ADAM18: variants seen among roughly 807,000 people sequenced by gnomAD.
ADAM18 encodes the protein ADAM metallopeptidase domain 18.
In ADAM18, 117 loss-of-function variants were observed where a neutral mutation model predicts 94.4. The ratio of observed to expected loss-of-function variants is 1.24; its 90% CI spans 1.07 to 1.45. ADAM18 has a LOEUF of 1.45. Ranked by LOEUF, ADAM18 falls within the 40% of genes most tolerant of loss-of-function variation. The probability of loss-of-function intolerance (pLI) is 0.00; values close to 1 mark genes in which losing one functional copy is unlikely to be tolerated. For synonymous variants in ADAM18, 327 were observed against 291.6 expected, an observed-to-expected ratio of 1.12 and a Z score of -1.24; for missense variants, 936 against 880.0, an observed-to-expected ratio of 1.06 and a Z score of -0.81.
At chr8:39,587,620 T>C (rs562385389) in intron 2 of ADAM18, among the ~76,000 whole-genome samples, 108 of 152,118 alleles carry the variant, frequency 7.1e-4, no homozygotes, top group Non-Finnish European at 1.2e-3. Context: ...AATTTTGTAT[T>C]TTTTTAGTAG....
chr8:39,606,003 A>C (rs945828251), intron 2 of ADAM18, among the ~76,000 whole-genome samples: 1 of 152,170 alleles, frequency 6.6e-6, no homozygotes, highest in Non-Finnish European at 1.5e-5. Flanking sequence ...ATGGTCTCCA[A>C]ACTCACCCAG....
rs1244021731 is a variant in ADAM18, at chr8:39,661,158, T to C, written c.1231-2637T>C. On this transcript the variant is annotated intron_variant, in intron 12 of 19. Coordinates refer to ENST00000265707, the MANE Select transcript of ADAM18 (RefSeq NM_014237.3). Reference sequence around the variant, plus strand: ...AAACAACTGTTTCTTCTTCTTCTTTTTTTTTTTTTTTTTTGAGGGAGTCTC... The same window carrying C: ...AAACAACTGTTTCTTCTTCTTCTTTCTTTTTTTTTTTTTTGAGGGAGTCTC... Among the ~76,000 whole-genome samples the C allele has an allele frequency of 5.5e-3, 805 of 146,904 alleles. 7 individuals carry two copies. The highest frequency in any genetic ancestry group is 0.019 in the African/African-American group (765 of 39,920).
At chr8:39,678,308 T>G (rs1051622858) in intron 15 of ADAM18, among the ~76,000 whole-genome samples, 2 of 152,230 alleles carry the variant, frequency 1.3e-5, no homozygotes, top group Non-Finnish European at 2.9e-5. Flanking sequence ...ATACAGTTCC[T>G]TTATTAAGAT....
intron 17 of ADAM18, among the ~76,000 whole-genome samples, chr8:39,693,051 A>AT (rs934996943): frequency 4.0e-5 from 6 of 150,906 alleles, no homozygotes; most frequent in Non-Finnish European, 8.9e-5. Context: ...ATCAGGGAAT[A>AT]TTTTTTTCTC....
At chr8:39,688,257 G>A (rs1339565894) in intron 16 of ADAM18, among the ~76,000 whole-genome samples, 1 of 151,962 alleles carries the variant, frequency 6.6e-6, no homozygotes, top group South Asian at 2.1e-4. Flanking sequence ...TTTAAGTTCA[G>A]GGGTACATGT....
rs140616028 is a variant in ADAM18 at position 39,680,084 on chromosome 8, C to G, written c.1679C>G (p.Ala560Gly). Residue 560 changes from alanine to glycine, a missense_variant, in exon 16 of 20, where the codon GCT becomes GGT. Physicochemically the swap from Ala to Gly is moderately conservative, Grantham distance 60. Transcript: ENST00000265707. ...KLACVQPHKNANKSDAQSTVY... is the reference protein window; with the variant it reads ...KLACVQPHKNGNKSDAQSTVY... ...GCTTGTGTTCAGCCACATAAAAATG[C>G]TAATAAAAGTGACGCTCAATCTACA... 6.2e-7 allele frequency: 1 copy of G among 1,613,648 alleles called. No individual in the cohort carries two copies. The highest frequency in any genetic ancestry group is 8.5e-7 in the Non-Finnish European group (1 of 1,179,812).
chr8:39,667,571 AGATT>A (rs1821025065), intron 13 of ADAM18, among the ~76,000 whole-genome samples: 1 of 152,214 alleles, frequency 6.6e-6, no homozygotes, highest in Non-Finnish European at 1.5e-5. Flanking sequence ...TAAAACAGAT[AGATT>A]GTGTTTCTCA....
chr8:39,594,385 A>G (rs1818673463), intron 2 of ADAM18, among the ~76,000 whole-genome samples: 1 of 152,162 alleles, frequency 6.6e-6, no homozygotes, highest in Non-Finnish European at 1.5e-5. Context: ...AACTTTTGTA[A>G]TTACCCATAC....
At chr8:39,706,674 T>A (rs1321922511) in intron 17 of ADAM18, 116 bp from the exon 18 acceptor site, 1 of 536,500 alleles carries the variant, frequency 1.9e-6, no homozygotes, top group Non-Finnish European at 3.2e-6. Context: ...GTCATAATAA[T>A]CTTAAGAAAA....
At chr8:39,585,964 A>G (rs1818382602) in intron 2 of ADAM18, among the ~76,000 whole-genome samples, 1 of 152,216 alleles carries the variant, frequency 6.6e-6, no homozygotes, top group Admixed American at 6.5e-5. Flanking sequence ...TGAAATTGAC[A>G]GATTTAAAAT....
At chr8:39,696,446 A>C (rs943255091) in intron 17 of ADAM18, among the ~76,000 whole-genome samples, 6 of 151,508 alleles carry the variant, frequency 4.0e-5, no homozygotes, top group African/African-American at 1.5e-4. Context: ...GAAATCATCA[A>C]ATCTAATGTC....
intron 2 of ADAM18, 124 bp from the exon 3 acceptor site, chr8:39,606,183 A>G (rs575471350): frequency 2.2e-5 from 13 of 587,932 alleles, no homozygotes; most frequent in Middle Eastern, 4.7e-4. Context: ...ATTTAGAATA[A>G]TAAATTCTAA....
intron 2 of ADAM18, among the ~76,000 whole-genome samples, chr8:39,594,007 T>C (rs1818658431): frequency 6.6e-6 from 1 of 152,188 alleles, no homozygotes; most frequent in Non-Finnish European, 1.5e-5. Flanking sequence ...ACGTCACCAT[T>C]GGTGTTACAT....
chr8:39,683,894 T>C (rs1360373156), intron 16 of ADAM18, among the ~76,000 whole-genome samples: 1 of 152,160 alleles, frequency 6.6e-6, no homozygotes, highest in African/African-American at 2.4e-5. Flanking sequence ...AAAATCACTT[T>C]GAAACACCAA....
At chr8:39,638,310 A>T (rs1337007052) in intron 9 of ADAM18, among the ~76,000 whole-genome samples, 155 bp from the exon 10 acceptor site, 1 of 149,646 alleles carries the variant, frequency 6.7e-6, no homozygotes, top group African/African-American at 2.5e-5. Context: ...TTTAGTATTT[A>T]GTATTTTGTA....
intron 12 of ADAM18, among the ~76,000 whole-genome samples, chr8:39,660,879 G>T (rs751560184): frequency 1.1e-4 from 16 of 152,118 alleles, no homozygotes; most frequent in Non-Finnish European, 2.2e-4. Flanking sequence ...TAACGTACCA[G>T]CCCTGAAGTT....
chr8:39,683,550 G>A (rs1264460130), intron 16 of ADAM18, among the ~76,000 whole-genome samples: 1 of 152,210 alleles, frequency 6.6e-6, no homozygotes, highest in African/African-American at 2.4e-5. Context: ...CAGTGTGTAA[G>A]TGAGCAAGTT....
chr8:39,667,749 G>C (rs1021423004), intron 13 of ADAM18, among the ~76,000 whole-genome samples: 2 of 152,218 alleles, frequency 1.3e-5, no homozygotes, highest in African/African-American at 2.4e-5. Context: ...TCAAAATGTA[G>C]AGCACAAAGG....
chr8:39,646,367 CA>C (rs1215268580), intron 11 of ADAM18, among the ~76,000 whole-genome samples: 1 of 151,860 alleles, frequency 6.6e-6, no homozygotes, highest in African/African-American at 2.4e-5. Flanking sequence ...TTTAATTAAA[CA>C]TAATTAAAAA....
Sources: allele counts gnomAD v4.1 joint callset (sites outside exome capture counted in the v4.1 genomes callset), GRCh38; gene constraint gnomAD v4.1.1; transcripts MANE v1.5; gene names NCBI Gene and HGNC (gene_info 2026-07-23, HGNC 2026-07-21).